The following SEMA3E variants were observed in gnomAD, a reference collection of about 807,000 sequenced individuals.
SEMA3E encodes semaphorin 3E, also known as semaphorin-3E.
In SEMA3E, 49 loss-of-function variants were observed where a neutral mutation model predicts 93.6. That is an observed-to-expected ratio of 0.52 (90% confidence interval 0.42 to 0.66). The LOEUF is 0.66. SEMA3E is among the 30% of genes least tolerant of loss of function. SEMA3E has a pLI of 0.00. For missense variants in SEMA3E, 906 were observed against 964.8 expected, an observed-to-expected ratio of 0.94 and a Z score of 0.81; for synonymous variants, 363 against 330.7, an observed-to-expected ratio of 1.10 and a Z score of -1.06.
chr7:83,528,332 C>T (rs1470272291), intron 1 of SEMA3E, among the ~76,000 whole-genome samples: 1 of 152,004 alleles, frequency 6.6e-6, no homozygotes, highest in Admixed American at 6.6e-5. Context: ...TCATCTATTT[C>T]TTTGAAGTTA....
chr7:83,611,406 A>C (rs543751056), intron 1 of SEMA3E, among the ~76,000 whole-genome samples: 23 of 144,944 alleles, frequency 1.6e-4, no homozygotes, highest in Admixed American at 3.6e-4. Context: ...ATATATATAT[A>C]TCTCACATCC....
At chr7:83,549,475 A>G (rs1427266573) in intron 1 of SEMA3E, among the ~76,000 whole-genome samples, 1 of 152,068 alleles carries the variant, frequency 6.6e-6, no homozygotes, top group Non-Finnish European at 1.5e-5. Context: ...GGCTTCTTTA[A>G]TGATTTATTT....
At position 83,545,552 on chromosome 7, in the gene SEMA3E, G is replaced by GA. The variant is rs3068645; in HGVS notation, c.116-55279dup. Among the ~76,000 whole-genome samples the GA allele has an allele frequency of 3.4e-3, 292 of 86,430 alleles. 3 individuals carry two copies. Among genetic ancestry groups the GA allele is most frequent in the South Asian group, 8.9e-3 (24 of 2,710 alleles). The allele number at this position is 86,430 out of a possible 152,430, so 56.7% of individuals were successfully genotyped here. ...TAGGTCAAAACTGTTGAAGAGAAATGAAAAAAAAAAAAAAAAAGAAATAGT... is the reference window on the plus strand; with the variant it reads ...TAGGTCAAAACTGTTGAAGAGAAATGAAAAAAAAAAAAAAAAAAGAAATAGT... On this transcript the variant is annotated intron_variant, in intron 1 of 16. Coordinates refer to ENST00000643230, the MANE Select transcript of SEMA3E (RefSeq NM_012431.3).
rs1365297675 is a variant in SEMA3E at position 83,609,242 on chromosome 7, T to A, written c.115+39186A>T. 2.6e-5 allele frequency among the ~76,000 whole-genome samples: 4 copies of A among 152,032 alleles called. No individual in the cohort carries two copies. The South Asian group carries it at 8.3e-4, about 31-fold the overall frequency. Reference sequence around the variant, plus strand: ...GTCAGTCCCCTACTTCATAAAATGATGATATTTAAATAGAAAAACTCTACT... The same window carrying A: ...GTCAGTCCCCTACTTCATAAAATGAAGATATTTAAATAGAAAAACTCTACT... On this transcript the variant is annotated intron_variant, in intron 1 of 16. Coordinates refer to ENST00000643230, the MANE Select transcript of SEMA3E (RefSeq NM_012431.3).
chr7:83,404,931 G>A (rs191129841), intron 9 of SEMA3E, among the ~76,000 whole-genome samples: 85 of 151,894 alleles, frequency 5.6e-4, no homozygotes, highest in Admixed American at 4.5e-3. Context: ...ATAGTAATGG[G>A]AACTAGCAAA....
intron 2 of SEMA3E, among the ~76,000 whole-genome samples, chr7:83,471,102 A>G (rs759821944): frequency 1.3e-5 from 2 of 151,926 alleles, no homozygotes; most frequent in Non-Finnish European, 2.9e-5. Context: ...TTCTCTGTAC[A>G]TAGTTTAGCA....
chr7:83,589,188 G>A (rs541104353), intron 1 of SEMA3E, among the ~76,000 whole-genome samples: 1 of 152,238 alleles, frequency 6.6e-6, no homozygotes, highest in East Asian at 1.9e-4. Context: ...TAGGCCAGAA[G>A]GTAATCAGAT....
chr7:83,498,881 T>G (rs1465377970), intron 1 of SEMA3E, among the ~76,000 whole-genome samples: 1 of 152,188 alleles, frequency 6.6e-6, no homozygotes, highest in African/African-American at 2.4e-5. Flanking sequence ...TCTATTTAGT[T>G]CTTACTTCTT....
rs1156680159 is a variant in SEMA3E at position 83,648,902 on chromosome 7, A to G, written c.-360T>C. 1.5e-4 allele frequency: 26 copies of G among 178,272 alleles called. No homozygotes were observed. The highest frequency in any genetic ancestry group is 5.0e-4 in the South Asian group (6 of 11,934). The allele number at this position is 178,272 out of a possible 1,614,324, so 11.0% of individuals were successfully genotyped here. ...ATTCAGAAAAAAAAAAAAAAAAGAG[A>G]GAAAAAAACAAAACCGAGCACACGC... is the stretch of plus-strand genomic sequence containing the variant. On this transcript the variant is annotated 5_prime_UTR_variant, in exon 1 of 17. Transcript: ENST00000643230.
intron 4 of SEMA3E, among the ~76,000 whole-genome samples, chr7:83,429,453 G>A (rs1283646273): frequency 6.6e-6 from 1 of 152,060 alleles, no homozygotes; most frequent in East Asian, 1.9e-4. Flanking sequence ...TACTGGCTAG[G>A]TATGCCACGG....
chr7:83,590,191 C>T (rs6944549), intron 1 of SEMA3E, among the ~76,000 whole-genome samples: 42,090 of 151,946 alleles, frequency 0.28, 6,369 homozygotes, highest in East Asian at 0.4. Flanking sequence ...AGTGAAAGTG[C>T]TCTCCCTTCA....
chr7:83,518,997 T>C (rs1790989660), intron 1 of SEMA3E, among the ~76,000 whole-genome samples: 1 of 152,076 alleles, frequency 6.6e-6, no homozygotes, highest in Non-Finnish European at 1.5e-5. Flanking sequence ...ATACTTTAAG[T>C]TTTAGGGTAC....
intron 3 of SEMA3E, among the ~76,000 whole-genome samples, chr7:83,467,394 T>C (rs761320845): frequency 3.9e-5 from 6 of 152,210 alleles, no homozygotes; most frequent in Non-Finnish European, 8.8e-5. Context: ...ATTCTCACAC[T>C]CACAAATTCA....
intron 7 of SEMA3E, among the ~76,000 whole-genome samples, chr7:83,406,753 T>A (rs1329615391): frequency 6.6e-6 from 1 of 152,048 alleles, no homozygotes; most frequent in Non-Finnish European, 1.5e-5. Context: ...AACATAGCTA[T>A]GTATATTATT....
In SEMA3E at chr7:83,462,426, G is replaced by A. The variant is rs535995290; in HGVS notation, c.456+4056C>T. On this transcript the variant is annotated intron_variant, in intron 4 of 16. Coordinates refer to ENST00000643230, the MANE Select transcript of SEMA3E (RefSeq NM_012431.3). ...ACCTGCCCAGTTCCCTTATTAGGCTGAGACACTTTAACTAAATTATCTGCT... is the reference window on the plus strand; with the variant it reads ...ACCTGCCCAGTTCCCTTATTAGGCTAAGACACTTTAACTAAATTATCTGCT... Among the ~76,000 whole-genome samples the A allele has an allele frequency of 2.6e-5, 4 of 152,148 alleles. No individual in the cohort carries two copies. In the East Asian group the frequency reaches 7.8e-4, roughly 30 times the overall value.
intron 4 of SEMA3E, among the ~76,000 whole-genome samples, chr7:83,462,361 T>G (rs1789645610): frequency 6.6e-6 from 1 of 152,168 alleles, no homozygotes; most frequent in South Asian, 2.1e-4. Flanking sequence ...GGTGCCAACT[T>G]AGACAATACT....
intron 8 of SEMA3E, 130 bp downstream of exon 8, chr7:83,405,812 AAAG>A: frequency 1.3e-6 from 1 of 765,466 alleles, no homozygotes; most frequent in East Asian, 2.7e-5. Context: ...GCCAAAATGA[AAAG>A]AACAGAAACT....
intron 4 of SEMA3E, among the ~76,000 whole-genome samples, chr7:83,446,454 C>T (rs1050670895): frequency 9.9e-5 from 15 of 152,230 alleles, no homozygotes; most frequent in Middle Eastern, 3.4e-3. Flanking sequence ...TTTGTGGTGA[C>T]GTTTTGTGAA....
intron 16 of SEMA3E, among the ~76,000 whole-genome samples, chr7:83,380,284 G>A (rs56911150): frequency 6.6e-6 from 1 of 151,700 alleles, no homozygotes; most frequent in Non-Finnish European, 1.5e-5. Context: ...TAGTTCATGT[G>A]GCACAAAATT....
Sources: gnomAD v4.1 joint callset for allele counts (sites outside exome capture counted in the v4.1 genomes callset) on GRCh38, gnomAD v4.1.1 for gene constraint, MANE v1.5 for transcripts, NCBI Gene and HGNC (gene_info 2026-07-23, HGNC 2026-07-21) for gene names.